The following SPTA1 variants were observed in gnomAD, a reference collection of about 807,000 sequenced individuals.
SPTA1 encodes the protein spectrin alpha, erythrocytic 1, also known as spectrin alpha chain, erythrocytic 1.
A neutral mutation model predicts 324.7 loss-of-function variants in SPTA1; 177 were observed. The ratio of observed to expected loss-of-function variants is 0.55; its 90% CI spans 0.48 to 0.62. The LOEUF (loss-of-function observed/expected upper bound fraction) is 0.62. Among genes scored for constraint, SPTA1 ranks in the 20% least tolerant of loss-of-function variants. The pLI, the probability that SPTA1 is intolerant of heterozygous loss-of-function variation, is 0.00. For synonymous variants in SPTA1, 1,195 were observed against 1,041.3 expected, an observed-to-expected ratio of 1.15 and a Z score of -2.84; for missense variants, 3,162 against 2,883.6, an observed-to-expected ratio of 1.10 and a Z score of -2.21.
In SPTA1 at chr1:158,643,313, A is replaced by T; in HGVS notation, c.4442+9T>A. 6.2e-7 allele frequency: 1 copy of T among 1,613,798 alleles called. No individual in the cohort carries two copies. Among genetic ancestry groups the T allele is most frequent in the Non-Finnish European group, 8.5e-7 (1 of 1,179,818 alleles). ...CCTTTGGCACATAAAACAATCACTCAGGCCTGACCTGTCTAGTACACGTTG... is the reference window on the plus strand; with the variant it reads ...CCTTTGGCACATAAAACAATCACTCTGGCCTGACCTGTCTAGTACACGTTG... On this transcript the variant is annotated intron_variant, in intron 31 of 51. Coordinates refer to ENST00000643759, the MANE Select transcript of SPTA1 (RefSeq NM_003126.4).
chr1:158,676,372 T>TA (rs1294862663), intron 7 of SPTA1, 77 bp from the exon 8 acceptor site: 35 of 1,442,806 alleles, frequency 2.4e-5, no homozygotes, highest in Non-Finnish European at 2.7e-5. Flanking sequence ...GGGAGAGGTA[T>TA]AAAAAATCAT....
intron 42 of SPTA1, among the ~76,000 whole-genome samples, chr1:158,624,278 C>A (rs974087118): frequency 7.9e-5 from 12 of 152,178 alleles, no homozygotes; most frequent in African/African-American, 2.9e-4. Context: ...GATCCACCAA[C>A]AGCTTGCAAC....
At chr1:158,638,264 G>A (rs531733908) in intron 35 of SPTA1, 23 bp from the exon 36 acceptor site, 13 of 1,603,618 alleles carry the variant, frequency 8.1e-6, no homozygotes, top group East Asian at 4.5e-5. Flanking sequence ...GGGATACTCA[G>A]TGAATAGTAT....
At chr1:158,652,379 T>C (rs1300251848) in intron 23 of SPTA1, 88 bp downstream of exon 23, 1 of 1,444,374 alleles carries the variant, frequency 6.9e-7, no homozygotes, top group Non-Finnish European at 9.7e-7. Flanking sequence ...ATTTAACAAG[T>C]GTGAAATAAA....
chr1:158,660,429 T>G (rs1318485343), intron 18 of SPTA1, among the ~76,000 whole-genome samples: 1 of 152,182 alleles, frequency 6.6e-6, no homozygotes, highest in Non-Finnish European at 1.5e-5. Flanking sequence ...GGATAAAGAT[T>G]GATATTTCAT....
chr1:158,649,738 G>C (rs1183756070), intron 25 of SPTA1, 118 bp downstream of exon 25: 2 of 831,012 alleles, frequency 2.4e-6, no homozygotes, highest in African/African-American at 3.4e-5. Flanking sequence ...TTTTCTATTG[G>C]CACATTGTCT....
At position 158,656,600 on chromosome 1, in the gene SPTA1, A is replaced by G. The variant is rs183996341; in HGVS notation, c.2862T>C (p.Ser954=). The G allele has an allele frequency of 1.3e-5, 21 of 1,613,954 alleles. No individual in the cohort carries two copies. In the African/African-American group the frequency reaches 1.7e-4, roughly 13 times the overall value. ...FLLDLNSFGD[S]MKALRNQANA... ...TTGCCTGATTCCGCAGAGCTTTCAT[A>G]CTGTCTCCAAATGAATTGAGATCTA... Residue 954 remains serine (S), a synonymous_variant, in exon 20 of 52, where the codon AGT becomes AGC. Transcript: ENST00000643759.
At position 158,619,302 on chromosome 1, in the gene SPTA1, T is replaced by C. The variant is rs1373471814; in HGVS notation, c.6450A>G (p.Ala2150=). 1 of 1,614,156 alleles carries C rather than the reference T, an allele frequency of 6.2e-7. No homozygotes were observed. The highest frequency in any genetic ancestry group is 2.2e-5 in the East Asian group (1 of 44,880). Residue 2150 remains alanine (A), a synonymous_variant, in exon 45 of 52, where the codon GCA becomes GCG. Coordinates refer to ENST00000643759, the MANE Select transcript of SPTA1 (RefSeq NM_003126.4). ...ACATCTCAAAGTTCTTGACCTGTCT[T>C]GCCTCTTCCTTTTGCAGCTCCTGCT... ...EREQELQKEE[A]RQVKNFEMCQ... is the part of the protein sequence containing the mutation.
intron 40 of SPTA1, among the ~76,000 whole-genome samples, 188 bp from the exon 41 acceptor site, chr1:158,627,195 A>G (rs1038844535): frequency 6.6e-6 from 1 of 152,166 alleles, no homozygotes; most frequent in Non-Finnish European, 1.5e-5. Flanking sequence ...TAGCAGTTAG[A>G]TCAATGAGGA....
In SPTA1 at chr1:158,666,421, A is replaced by C. The variant is rs772510152; in HGVS notation, c.2115T>G (p.Asp705Glu). ...CCTCAGAGGTGACTTGCCACTCAAC[A>C]TCCTCCAGCCAGCGCTGCAAATCTT... Reference protein sequence around the residue: ...NAEDLQRWLEDVEWQVTSEDY... With the variant: ...NAEDLQRWLEEVEWQVTSEDY... The change falls in exon 16 of 52, where the codon GAT (aspartate) becomes GAG (glutamate). Residue 705 changes from aspartate to glutamate, a missense_variant. Asp to Glu is a conservative substitution (Grantham distance 45, BLOSUM62 2). Coordinates refer to ENST00000643759, the MANE Select transcript of SPTA1 (RefSeq NM_003126.4). 3 of 1,613,562 alleles carry C rather than the reference A, an allele frequency of 1.9e-6. No individual in the cohort carries two copies. The African/African-American group carries it at 4.0e-5, about 22-fold the overall frequency.
In SPTA1 at chr1:158,642,983, G is replaced by A. The variant is rs1449761394; in HGVS notation, c.4443-7C>T. ...TGCTTTGAGAGCCTTCCACCTAGAG[G>A]ACGGAGCCAAATCACTCTATGCCCT... On this transcript the variant is annotated splice_region_variant and splice_polypyrimidine_tract_variant and intron_variant, in intron 31 of 51. Coordinates refer to ENST00000643759, the MANE Select transcript of SPTA1 (RefSeq NM_003126.4). 1 of 1,613,402 alleles carries A rather than the reference G, an allele frequency of 6.2e-7. No individual in the cohort carries two copies. The highest frequency in any genetic ancestry group is 8.5e-7 in the Non-Finnish European group (1 of 1,179,642).
At chr1:158,648,793 T>A in intron 25 of SPTA1, 140 bp from the exon 26 acceptor site, 1 of 866,832 alleles carries the variant, frequency 1.2e-6, no homozygotes, top group Non-Finnish European at 1.8e-6. Flanking sequence ...ATCATCATTG[T>A]TTTTTATGTG....
intron 25 of SPTA1, among the ~76,000 whole-genome samples, 166 bp from the exon 26 acceptor site, chr1:158,648,819 C>T (rs1278913096): frequency 7.9e-6 from 1 of 125,988 alleles, no homozygotes. Flanking sequence ...AACTTAGGCT[C>T]ATTTAATCTT....
chr1:158,621,351 C>A (rs1649900950), intron 43 of SPTA1, among the ~76,000 whole-genome samples: 1 of 151,960 alleles, frequency 6.6e-6, no homozygotes, highest in Admixed American at 6.6e-5. Context: ...GAAAACTGGC[C>A]CAAATGGAGG....
chr1:158,611,591 A>G (rs1649265635), intron 51 of SPTA1: 2 of 528,296 alleles, frequency 3.8e-6, no homozygotes, highest in African/African-American at 3.8e-5. Flanking sequence ...CCCTTTCTTG[A>G]AAAAGAGAGC....
At chr1:158,645,129 A>T (rs1329691328) in intron 29 of SPTA1, 59 bp downstream of exon 29, 35 of 1,583,310 alleles carry the variant, frequency 2.2e-5, no homozygotes, top group Non-Finnish European at 3.0e-5. Context: ...TGACCATATG[A>T]AATTGCATAG....
rs567208045 is a variant in SPTA1, at chr1:158,627,353, C to T, written c.5664+272G>A. On this transcript the variant is annotated intron_variant, in intron 40 of 51. Coordinates refer to ENST00000643759, the MANE Select transcript of SPTA1 (RefSeq NM_003126.4). ...AAGCTAGTGATAAGACTTTTATAAA[C>T]ACCATGCTCTGTATAGGACAACAAG... Among the ~76,000 whole-genome samples, 4 of 152,230 alleles carry T rather than the reference C, an allele frequency of 2.6e-5. No individual in the cohort carries two copies. In the South Asian group the frequency reaches 8.3e-4, roughly 32 times the overall value.
At position 158,645,542 on chromosome 1, in the gene SPTA1, G is replaced by A. The variant is rs1194770809; in HGVS notation, c.3949C>T (p.Leu1317=). The change falls in exon 28 of 52, where the codon CTG becomes TTG. Residue 1317 remains leucine (L), a synonymous_variant. Transcript: ENST00000643759. Reference sequence around the variant, plus strand: ...TCTATGCCAGTTAAGTCTTCGGCCAGCTCCTGTGATGATACCATGCCACCA... The same window carrying A: ...TCTATGCCAGTTAAGTCTTCGGCCAACTCCTGTGATGATACCATGCCACCA... ...SIGGMVSSQE[L]AEDLTGIEIL... 2 of 1,613,982 alleles carry A rather than the reference G, an allele frequency of 1.2e-6. No homozygotes were observed. The highest frequency in any genetic ancestry group is 3.3e-5 in the Admixed American group (2 of 59,998).
chr1:158,682,607 A>G (rs886879748), intron 3 of SPTA1, among the ~76,000 whole-genome samples: 1 of 152,180 alleles, frequency 6.6e-6, no homozygotes, highest in Non-Finnish European at 1.5e-5. Flanking sequence ...CTATATATAG[A>G]AAGGCCAGAC....
Sources: allele counts gnomAD v4.1 joint callset (sites outside exome capture counted in the v4.1 genomes callset), GRCh38; gene constraint gnomAD v4.1.1; transcripts MANE v1.5; gene names NCBI Gene and HGNC (gene_info 2026-07-23, HGNC 2026-07-21).